The following DNAJC5B variants were observed in gnomAD, a reference collection of about 807,000 sequenced individuals.
The protein encoded by DNAJC5B is DnaJ heat shock protein family (Hsp40) member C5 beta, also known as dnaJ homolog subfamily C member 5B.
A neutral mutation model predicts 24.7 loss-of-function variants in DNAJC5B; 23 were observed. The ratio of observed to expected loss-of-function variants is 0.93; its 90% CI spans 0.67 to 1.32. The LOEUF (loss-of-function observed/expected upper bound fraction) is 1.32, where lower values mean the gene tolerates loss of function less well. DNAJC5B is among the 40% of genes most tolerant of loss of function. DNAJC5B has a pLI of 0.00. For synonymous variants in DNAJC5B, 101 were observed against 90.1 expected (o/e 1.12, Z -0.68); for missense variants, 238 against 240.8 (o/e 0.99, Z 0.08).
intron 1 of DNAJC5B, among the ~76,000 whole-genome samples, chr8:66,038,628 A>G (rs937615218): frequency 6.6e-6 from 1 of 152,192 alleles, no homozygotes; most frequent in East Asian, 1.9e-4. Context: ...ACATTCACTA[A>G]AAAGGACTAC....
intron 5 of DNAJC5B, among the ~76,000 whole-genome samples, chr8:66,082,370 A>G (rs1203872893): frequency 1.3e-5 from 2 of 152,064 alleles, no homozygotes; most frequent in Non-Finnish European, 1.5e-5. Context: ...CACTTCTCTG[A>G]ACAGCCTCAC....
intron 3 of DNAJC5B, among the ~76,000 whole-genome samples, chr8:66,067,615 C>T (rs1238358107): frequency 6.6e-6 from 1 of 152,108 alleles, no homozygotes; most frequent in Non-Finnish European, 1.5e-5. Flanking sequence ...TTGTTTTAAG[C>T]TAGCCATCAT....
At chr8:66,058,948 A>T (rs1265394524) in intron 3 of DNAJC5B, among the ~76,000 whole-genome samples, 3 of 152,198 alleles carry the variant, frequency 2.0e-5, no homozygotes, top group African/African-American at 7.2e-5. Context: ...CACAGTGAAA[A>T]TATCAGGTAC....
intron 1 of DNAJC5B, among the ~76,000 whole-genome samples, chr8:66,036,277 C>A (rs1806482625): frequency 6.6e-6 from 1 of 152,136 alleles, no homozygotes; most frequent in South Asian, 2.1e-4. Context: ...TTTTTGTTGT[C>A]ATTTGCTACC....
At chr8:66,027,023 ACCCATCACCTGAT>A (rs2128955757) in intron 1 of DNAJC5B, among the ~76,000 whole-genome samples, 1 of 151,874 alleles carries the variant, frequency 6.6e-6, no homozygotes, top group African/African-American at 2.4e-5. Flanking sequence ...CTTTTAGGAT[ACCCATCACCTGAT>A]CCCCTCATCC....
intron 1 of DNAJC5B, among the ~76,000 whole-genome samples, chr8:66,041,858 A>G (rs1183939843): frequency 1.3e-5 from 2 of 152,196 alleles, no homozygotes; most frequent in Non-Finnish European, 2.9e-5. Context: ...GCATGTAATG[A>G]CGTCCTATGT....
At chr8:66,094,519 A>C (rs1020223980) in intron 5 of DNAJC5B, among the ~76,000 whole-genome samples, 2 of 152,010 alleles carry the variant, frequency 1.3e-5, no homozygotes, top group Non-Finnish European at 2.9e-5. Context: ...TGCTAATTTT[A>C]ATTATTTACC....
At chr8:66,064,509 C>T (rs77904041) in intron 3 of DNAJC5B, among the ~76,000 whole-genome samples, 2,393 of 152,262 alleles carry the variant, frequency 0.016, 66 homozygotes, top group African/African-American at 0.055. Context: ...TCTCCTACAC[C>T]GCAGTCTTAT....
chr8:66,041,052 A>G (rs1806597327), intron 1 of DNAJC5B, among the ~76,000 whole-genome samples: 2 of 152,124 alleles, frequency 1.3e-5, no homozygotes, highest in South Asian at 4.1e-4. Context: ...CGGCTTTTTC[A>G]TTTTATACAA....
intron 5 of DNAJC5B, among the ~76,000 whole-genome samples, chr8:66,080,978 C>G (rs1807584077): frequency 2.0e-5 from 3 of 152,084 alleles, no homozygotes; most frequent in Admixed American, 2.0e-4. Context: ...AAGTCACCAA[C>G]CCTTGACTTT....
chr8:66,032,946 G>T (rs559125184), intron 1 of DNAJC5B, among the ~76,000 whole-genome samples: 2 of 152,148 alleles, frequency 1.3e-5, no homozygotes, highest in Non-Finnish European at 2.9e-5. Context: ...CCCCTTCATC[G>T]TGACAACATA....
At chr8:66,036,956 C>T (rs1017364678) in intron 1 of DNAJC5B, among the ~76,000 whole-genome samples, 1 of 152,184 alleles carries the variant, frequency 6.6e-6, no homozygotes. Flanking sequence ...CAGCTCTGGT[C>T]GGTTCTGCGG....
chr8:66,076,242 T>C (rs1807458601), intron 3 of DNAJC5B, among the ~76,000 whole-genome samples: 2 of 152,220 alleles, frequency 1.3e-5, no homozygotes, highest in Non-Finnish European at 2.9e-5. Context: ...AGAATATATG[T>C]TGTGACGTTC....
chr8:66,076,176 G>A (rs982846639), intron 3 of DNAJC5B, among the ~76,000 whole-genome samples: 1 of 152,226 alleles, frequency 6.6e-6, no homozygotes, highest in Non-Finnish European at 1.5e-5. Context: ...GAAGATTAAT[G>A]AAGGGGTCTT....
intron 1 of DNAJC5B, among the ~76,000 whole-genome samples, chr8:66,030,184 T>C (rs1374148937): frequency 6.6e-6 from 1 of 152,188 alleles, no homozygotes; most frequent in Non-Finnish European, 1.5e-5. Flanking sequence ...GCCGGGTTAT[T>C]TGATAGACTT....
At chr8:66,015,716 C>A in the DNAJC5B span, among the ~76,000 whole-genome samples, 1 of 152,124 alleles carries the variant, frequency 6.6e-6, no homozygotes, top group Admixed American at 6.5e-5. Flanking sequence ...TTCCACTGAG[C>A]TGCAGGAAGG....
At chr8:66,029,378 T>C (rs1482648329) in intron 1 of DNAJC5B, among the ~76,000 whole-genome samples, 1 of 152,122 alleles carries the variant, frequency 6.6e-6, no homozygotes, top group Non-Finnish European at 1.5e-5. Flanking sequence ...GTGGACAGGA[T>C]GGCATTGGGA....
chr8:66,061,475 T>C (rs1222751730), intron 3 of DNAJC5B, among the ~76,000 whole-genome samples: 1 of 152,012 alleles, frequency 6.6e-6, no homozygotes, highest in Non-Finnish European at 1.5e-5. Context: ...CTACAAAGGA[T>C]ATACAAGGGC....
intron 3 of DNAJC5B, 132 bp downstream of exon 3, chr8:66,051,798 T>C (rs1806851593): frequency 2.9e-6 from 2 of 688,902 alleles, no homozygotes; most frequent in Admixed American, 4.9e-5. Flanking sequence ...TTCCCTGCTC[T>C]ACAACATAGG....
Sources: gnomAD v4.1 joint callset for allele counts (sites outside exome capture counted in the v4.1 genomes callset) on GRCh38, gnomAD v4.1.1 for gene constraint, MANE v1.5 for transcripts, NCBI Gene and HGNC (gene_info 2026-07-23, HGNC 2026-07-21) for gene names.